Variants in PDIA6 observed in about 807,000 individuals in gnomAD.
PDIA6 encodes protein disulfide-isomerase A6.
Under a neutral mutation model 58.4 loss-of-function variants are expected in PDIA6, and 29 were observed. The observed-to-expected ratio is 0.50, with a 90% CI of 0.37 to 0.68. PDIA6 has a LOEUF of 0.68. PDIA6 is among the 30% of genes least tolerant of loss of function. PDIA6 has a pLI of 0.00. For synonymous variants in PDIA6, 192 were observed against 202.6 expected, an observed-to-expected ratio of 0.95 and a Z score of 0.44; for missense variants, 480 against 551.0, an observed-to-expected ratio of 0.87 and a Z score of 1.29.
At chr2:10,816,178 G>A (rs1363882766), upstream of PDIA6, among the ~76,000 whole-genome samples, 1 of 141,488 alleles carries the variant, frequency 7.1e-6, no homozygotes, top group Admixed American at 8.0e-5. Flanking sequence ...TGCCTCCCGG[G>A]TTCAAGCTAT....
In PDIA6 at chr2:10,820,983, C is replaced by T; in HGVS notation, c.-47-1629G>A. 6 of 642,572 alleles carry T rather than the reference C, an allele frequency of 9.3e-6. No individual in the cohort carries two copies. In the South Asian group the frequency reaches 1.0e-4, roughly 11 times the overall value. 39.8% of individuals were successfully genotyped at this position (642,572 alleles called of 1,614,324 possible). A position where few individuals can be genotyped will look rare whatever the true frequency, so the allele number is the denominator to read the frequency against. ...GGTTTGGAAACTGACCCTGGTTAAG[C>T]AGGTCGTTGGGCCCAGGACGAAGGG... On this transcript the variant is annotated intron_variant, in intron 1 of 13. Transcript: ENST00000381611.
Position 10,788,979 on chromosome 2 carries a change from A to G in PDIA6, c.843T>C (p.Ile281=). ...TCCTCTTGGCAATGTCCTCGTTGAT[A>G]ATCTGTGGGACCCAAAAGACAAGGG... ...DNAPPPELLE[I]INEDIAKRTC... The change falls in exon 9 of 13, where the codon ATT becomes ATC. Residue 281 remains isoleucine, a splice_region_variant and synonymous_variant. Coordinates refer to ENST00000272227, the MANE Select transcript of PDIA6 (RefSeq NM_005742.4). 1 of 1,613,254 alleles carries G rather than the reference A, an allele frequency of 6.2e-7. No individual in the cohort carries two copies. Among genetic ancestry groups the G allele is most frequent in the Non-Finnish European group, 8.5e-7 (1 of 1,179,146 alleles).
At chr2:10,803,769 G>A (rs140170827) in intron 1 of PDIA6, among the ~76,000 whole-genome samples, 11 of 152,252 alleles carry the variant, frequency 7.2e-5, no homozygotes, top group African/African-American at 2.4e-4. Flanking sequence ...CACATCCACA[G>A]GGTCAAGGAG....
chr2:10,806,308 C>T (rs1395318200), intron 1 of PDIA6, among the ~76,000 whole-genome samples: 6 of 147,536 alleles, frequency 4.1e-5, no homozygotes, highest in African/African-American at 5.0e-5. Flanking sequence ...GTCGAGGCTA[C>T]GGGTGCAGTG....
intron 12 of PDIA6, 89 bp downstream of exon 12, chr2:10,784,845 G>T: frequency 1.0e-6 from 1 of 957,470 alleles, no homozygotes; most frequent in Non-Finnish European, 1.6e-6. Flanking sequence ...GGTCTGATGG[G>T]AAGGACTTGA....
intron 2 of PDIA6, among the ~76,000 whole-genome samples, chr2:10,798,268 T>C (rs1666355842): frequency 6.6e-6 from 1 of 151,934 alleles, no homozygotes; most frequent in Non-Finnish European, 1.5e-5. Context: ...AACAATCACT[T>C]TTCATATCAT....
chr2:10,787,792 C>T (rs532455198), intron 10 of PDIA6, among the ~76,000 whole-genome samples: 13 of 152,204 alleles, frequency 8.5e-5, no homozygotes, highest in Admixed American at 7.2e-4. Flanking sequence ...AGGCTGGGCA[C>T]GGTGGCTCAC....
intron 8 of PDIA6, 33 bp from the exon 9 acceptor site, chr2:10,789,014 A>C: frequency 6.6e-7 from 1 of 1,511,754 alleles, no homozygotes; most frequent in South Asian, 1.1e-5. Context: ...GACAATCAGG[A>C]GGCTGCATGA....
rs1313901327 is a variant in PDIA6, at chr2:10,787,223, C to G, written c.1157+58G>C. ...ATATATACCTAGTTCCAAATATAAACCTACAACAGAACCAAACAAACAGAC... is the reference window on the plus strand; with the variant it reads ...ATATATACCTAGTTCCAAATATAAAGCTACAACAGAACCAAACAAACAGAC... On this transcript the variant is annotated intron_variant, in intron 11 of 12. Transcript: ENST00000272227. The G allele has an allele frequency of 4.7e-6, 7 of 1,496,846 alleles. No homozygotes were observed. The East Asian group carries it at 1.6e-4, about 34-fold the overall frequency. 92.7% of individuals were successfully genotyped at this position (1,496,846 alleles called of 1,614,324 possible). A position where few individuals can be genotyped will look rare whatever the true frequency, so the allele number is the denominator to read the frequency against.
At chr2:10,802,410 A>G (rs1215014603) in intron 2 of PDIA6, 89 bp downstream of exon 2, 5 of 768,876 alleles carry the variant, frequency 6.5e-6, no homozygotes, top group African/African-American at 1.8e-5. Flanking sequence ...GCTAAACTAG[A>G]TGTCTTAATA....
chr2:10,793,343 C>T (rs1666124491), intron 4 of PDIA6, 141 bp from the exon 5 acceptor site: 1 of 607,494 alleles, frequency 1.6e-6, no homozygotes, highest in Non-Finnish European at 3.0e-6. Context: ...TCTGACAGAA[C>T]ACACTTTCTC....
At chr2:10,831,498 C>T (rs1214284773) in intron 1 of PDIA6, among the ~76,000 whole-genome samples, 1 of 152,200 alleles carries the variant, frequency 6.6e-6, no homozygotes, top group African/African-American at 2.4e-5. Flanking sequence ...GGCAGCCCCA[C>T]ATCCTGGGGC....
intron 8 of PDIA6, 28 bp from the exon 9 acceptor site, chr2:10,789,009 T>A (rs1200561171): frequency 6.4e-7 from 1 of 1,551,432 alleles, no homozygotes. Context: ...CAAGGGACAA[T>A]CAGGAGGCTG....
intron 12 of PDIA6, 47 bp from the exon 13 acceptor site, chr2:10,784,373 C>A: frequency 1.4e-6 from 2 of 1,475,900 alleles, no homozygotes; most frequent in Non-Finnish European, 9.4e-7. Context: ...AAGGGGACAC[C>A]CTGGAAGGTC....
At chr2:10,827,487 A>G (rs1051260451) in intron 1 of PDIA6, among the ~76,000 whole-genome samples, 3 of 152,174 alleles carry the variant, frequency 2.0e-5, no homozygotes, top group African/African-American at 7.2e-5. Context: ...ACATACTAAT[A>G]AAGTTTAGTG....
At chr2:10,811,478 C>T (rs962008122) in intron 1 of PDIA6, among the ~76,000 whole-genome samples, 2 of 152,186 alleles carry the variant, frequency 1.3e-5, no homozygotes, top group African/African-American at 4.8e-5. Flanking sequence ...GCCTAGGAGA[C>T]AGAGCAAGAC....
At chr2:10,810,288 T>C in intron 1 of PDIA6, 1 of 1,535,102 alleles carries the variant, frequency 6.5e-7, no homozygotes, top group Non-Finnish European at 8.7e-7. Flanking sequence ...ACCGAAGGGC[T>C]GGAGAATGCA....
upstream of PDIA6, among the ~76,000 whole-genome samples, chr2:10,815,194 G>A (rs1667155475): frequency 6.6e-6 from 1 of 152,074 alleles, no homozygotes; most frequent in African/African-American, 2.4e-5. Context: ...ACAGCCTTCT[G>A]GAAATGCACA....
intron 1 of PDIA6, among the ~76,000 whole-genome samples, chr2:10,810,573 C>T (rs138310677): frequency 2.6e-5 from 4 of 152,042 alleles, no homozygotes; most frequent in African/African-American, 9.6e-5. Context: ...TAAATTTTGC[C>T]TAGTTCTCAC....
Sources: gnomAD v4.1 joint callset for allele counts (sites outside exome capture counted in the v4.1 genomes callset) on GRCh38, gnomAD v4.1.1 for gene constraint, MANE v1.5 for transcripts, NCBI Gene and HGNC (gene_info 2026-07-23, HGNC 2026-07-21) for gene names.